The following PLEKHA1 variants were observed in gnomAD, a reference collection of about 807,000 sequenced individuals.
PLEKHA1 encodes pleckstrin homology domain containing A1, also known as pleckstrin homology domain-containing family A member 1.
In PLEKHA1, 34 loss-of-function variants were observed where a neutral mutation model predicts 52.0. The ratio of observed to expected loss-of-function variants is 0.65; its 90% CI spans 0.50 to 0.87. The LOEUF is 0.87. PLEKHA1 is among the 40% of genes least tolerant of loss of function. The pLI, the probability that PLEKHA1 is intolerant of heterozygous loss-of-function variation, is 0.00. For missense variants in PLEKHA1, 497 were observed against 504.2 expected, an observed-to-expected ratio of 0.99 and a Z score of 0.14; for synonymous variants, 163 against 170.7, an observed-to-expected ratio of 0.95 and a Z score of 0.35.
intron 11 of PLEKHA1, among the ~76,000 whole-genome samples, chr10:122,429,052 TGAAAA>T (rs1278257504): frequency 6.6e-6 from 1 of 152,108 alleles, no homozygotes; most frequent in African/African-American, 2.4e-5. Context: ...AAGTAAAAAA[TGAAAA>T]GACTGTGCTA....
intron 8 of PLEKHA1, chr10:122,421,167 A>G (rs1380465943): frequency 6.6e-6 from 1 of 152,134 alleles, no homozygotes; most frequent in Non-Finnish European, 1.5e-5. Context: ...CAGATGATTA[A>G]AGTGAATGTC....
Position 122,430,154 on chromosome 10 carries a change from A to C in PLEKHA1, c.*216A>C. 2.0e-6 allele frequency: 1 copy of C among 497,054 alleles called. No homozygotes were observed. Among genetic ancestry groups the C allele is most frequent in the Non-Finnish European group, 3.4e-6 (1 of 290,228 alleles). 30.8% of individuals were successfully genotyped at this position (497,054 alleles called of 1,614,324 possible). On this transcript the variant is annotated 3_prime_UTR_variant, in exon 12 of 12. Transcript: ENST00000368990. ...GAAAGAAAAAGGAAAAATCCAAAAT[A>C]TCTCAGTATCATCTGTCTGAAGCAT...
At position 122,400,373 on chromosome 10, in the gene PLEKHA1, G is replaced by A; in HGVS notation, c.229G>A (p.Ala77Thr). 6.2e-7 allele frequency: 1 copy of A among 1,606,828 alleles called. No individual in the cohort carries two copies. Among genetic ancestry groups the A allele is most frequent in the South Asian group, 1.1e-5 (1 of 89,276 alleles). The change falls in exon 4 of 12, where the codon GCG becomes ACG. Residue 77 changes from alanine (A) to threonine (T), a missense_variant. Transcript: ENST00000368990. ...VSDATKLRPK[A>T]EFCFVMNAGM... ...CGATGCTACTAAGCTAAGGCCAAAG[G>A]CGGAGTTCTGTTTTGGTAAGTAGCC...
rs796831792 is a variant in PLEKHA1 at position 122,394,069 on chromosome 10, C to CTT, written c.141+753_141+754dup. Reference sequence around the variant, plus strand: ...AGTTTTAAACTTTCAACTTTCTCTACTTTTTTTTTTTTTTTTTTTTTTTTT... The same window carrying CTT: ...AGTTTTAAACTTTCAACTTTCTCTACTTTTTTTTTTTTTTTTTTTTTTTTTTT... On this transcript the variant is annotated intron_variant, in intron 2 of 11. Coordinates refer to ENST00000368990, the MANE Select transcript of PLEKHA1 (RefSeq NM_001001974.4). 1.4e-3 allele frequency among the ~76,000 whole-genome samples: 133 copies of CTT among 97,230 alleles called. 13 individuals carry two copies. The highest frequency in any genetic ancestry group is 2.8e-3 in the African/African-American group (82 of 28,842). 63.8% of individuals were successfully genotyped at this position (97,230 alleles called of 152,430 possible).
intron 1 of PLEKHA1, among the ~76,000 whole-genome samples, chr10:122,383,671 C>A: frequency 6.6e-6 from 1 of 152,140 alleles, no homozygotes. Context: ...GAAAAGGACT[C>A]CTCCTTTTTT....
At chr10:122,416,025 T>C (rs369754524) in intron 7 of PLEKHA1, 23 bp downstream of exon 7, 1 of 1,575,304 alleles carries the variant, frequency 6.3e-7, no homozygotes, top group Non-Finnish European at 8.6e-7. Flanking sequence ...ACAAAATACA[T>C]GAAATAATGA....
chr10:122,406,558 AT>A lies in PLEKHA1; in HGVS notation c.245-11del. 6.3e-7 allele frequency: 1 copy of A among 1,582,592 alleles called. No individual in the cohort carries two copies. The highest frequency in any genetic ancestry group is 8.7e-7 in the Non-Finnish European group (1 of 1,152,586). Reference sequence around the variant, plus strand: ...TAATAAGTACAATATTTGGTGTGTTATTTTTTTCTGTCAACAGTTATGAATG... The same window carrying A: ...TAATAAGTACAATATTTGGTGTGTTATTTTTTCTGTCAACAGTTATGAATG... On this transcript the variant is annotated splice_polypyrimidine_tract_variant and intron_variant, in intron 4 of 11. Transcript: ENST00000368990.
chr10:122,405,825 A>AG (rs1349830232), intron 4 of PLEKHA1, among the ~76,000 whole-genome samples: 1 of 152,122 alleles, frequency 6.6e-6, no homozygotes, highest in Admixed American at 6.5e-5. Context: ...AGGCTGGCAT[A>AG]GGGGGCAGGA....
chr10:122,424,535 A>C (rs1305021357), intron 9 of PLEKHA1, among the ~76,000 whole-genome samples: 1 of 152,192 alleles, frequency 6.6e-6, no homozygotes, highest in East Asian at 1.9e-4. Context: ...GAAAGGAATA[A>C]ATTTAATGTG....
intron 1 of PLEKHA1, among the ~76,000 whole-genome samples, chr10:122,380,139 T>G (rs948934447): frequency 2.1e-4 from 32 of 152,358 alleles, no homozygotes; most frequent in Admixed American, 1.6e-3. Flanking sequence ...ATCTGGTAAA[T>G]GATTCTTGTC....
At chr10:122,410,801 A>G (rs1045721265) in intron 5 of PLEKHA1, among the ~76,000 whole-genome samples, 1 of 152,182 alleles carries the variant, frequency 6.6e-6, no homozygotes, top group Non-Finnish European at 1.5e-5. Flanking sequence ...AATAATTCCC[A>G]GGTCTGACTA....
intron 1 of PLEKHA1, among the ~76,000 whole-genome samples, chr10:122,386,164 TG>T (rs1169515978): frequency 2.0e-5 from 3 of 152,218 alleles, no homozygotes; most frequent in Non-Finnish European, 4.4e-5. Context: ...GGGTTTTTTT[TG>T]TTTGTTTTAG....
intron 2 of PLEKHA1, among the ~76,000 whole-genome samples, chr10:122,394,069 CT>C (rs796831792): frequency 0.017 from 1,694 of 97,066 alleles, 7 homozygotes; most frequent in East Asian, 0.051. Context: ...ACTTTCTCTA[CT>C]TTTTTTTTTT....
Position 122,393,419 on chromosome 10 carries a change from A to AC in PLEKHA1, c.141+78_141+79insC, listed in dbSNP as rs2096801923. On this transcript the variant is annotated intron_variant, in intron 2 of 11. Transcript: ENST00000368990. This position sits in a 1 kb window ranked among gnomAD's most constrained non-coding sequence, Gnocchi z 4.5. Reference sequence around the variant, plus strand: ...GTATTTAACATACTATACAGGCTTTAGATTTGTCTTCTTAAGCAGTATATT... The same window carrying AC: ...GTATTTAACATACTATACAGGCTTTACGATTTGTCTTCTTAAGCAGTATATT... 1.7e-6 allele frequency: 2 copies of AC among 1,210,800 alleles called. No homozygotes were observed. The highest frequency in any genetic ancestry group is 8.5e-5 in the Admixed American group (2 of 23,658). The allele number at this position is 1,210,800 out of a possible 1,614,324, so 75.0% of individuals were successfully genotyped here.
chr10:122,420,699 T>C (rs1433533928), intron 8 of PLEKHA1: 1 of 152,232 alleles, frequency 6.6e-6, no homozygotes, highest in African/African-American at 2.4e-5. Flanking sequence ...TCACCTACTT[T>C]GCTCTCTTTT....
At chr10:122,380,095 CT>C (rs2096593794) in intron 1 of PLEKHA1, among the ~76,000 whole-genome samples, 1 of 152,134 alleles carries the variant, frequency 6.6e-6, no homozygotes, top group South Asian at 2.1e-4. Context: ...GTATTTGAAA[CT>C]TTTTCCTTCC....
Position 122,393,100 on chromosome 10 carries a change from C to T in PLEKHA1, c.-20-81C>T. ...CTTACCTAATGTTGGCAAGTTGCCC[C>T]CTCATTGAACAGATTTGCAGTCCAT... is the stretch of plus-strand genomic sequence containing the variant. On this transcript the variant is annotated intron_variant, in intron 1 of 11. Transcript: ENST00000368990. This position sits in a 1 kb window ranked among gnomAD's most constrained non-coding sequence, Gnocchi z 4.5. The T allele has an allele frequency of 8.7e-7, 1 of 1,143,166 alleles. No individual in the cohort carries two copies. Among genetic ancestry groups the T allele is most frequent in the Non-Finnish European group, 1.2e-6 (1 of 834,160 alleles). The allele number at this position is 1,143,166 out of a possible 1,614,324, so 70.8% of individuals were successfully genotyped here.
chr10:122,422,522 T>G (rs1437028672), intron 8 of PLEKHA1: 2 of 152,114 alleles, frequency 1.3e-5, no homozygotes, highest in East Asian at 1.9e-4. Flanking sequence ...CAAAAGTGTA[T>G]AAACTGAATC....
intron 7 of PLEKHA1, 146 bp downstream of exon 7, chr10:122,416,148 G>C (rs1054315276): frequency 1.1e-6 from 1 of 946,182 alleles, no homozygotes; most frequent in Non-Finnish European, 1.5e-6. Flanking sequence ...GATAAAATAG[G>C]GGATATTCTC....
Sources: gnomAD v4.1 joint callset for allele counts (sites outside exome capture counted in the v4.1 genomes callset) on GRCh38, gnomAD v4.1.1 for gene constraint, Gnocchi (gnomAD v3.1) non-coding constraint, MANE v1.5 for transcripts, NCBI Gene and HGNC (gene_info 2026-07-23, HGNC 2026-07-21) for gene names.